The following RASSF3 variants were observed in gnomAD, a reference collection of about 807,000 sequenced individuals.
RASSF3 encodes the protein ras association domain-containing protein 3.
Under a neutral mutation model 19.9 loss-of-function variants are expected in RASSF3, and 19 were observed. That is an observed-to-expected ratio of 0.96 (90% confidence interval 0.67 to 1.40). The LOEUF is 1.40. Among genes scored for constraint, RASSF3 ranks in the 40% most tolerant of loss-of-function variants. The pLI, the probability that RASSF3 is intolerant of heterozygous loss-of-function variation, is 0.00. For synonymous variants in RASSF3, 110 were observed against 104.2 expected, an observed-to-expected ratio of 1.06 and a Z score of -0.34; for missense variants, 306 against 289.8, an observed-to-expected ratio of 1.06 and a Z score of -0.41.
Position 64,524,036 on chromosome 12 carries a change from G to A in RASSF3, c.169+16707G>A, listed in dbSNP as rs555366435. On this transcript the variant is annotated intron_variant, in intron 1 of 5. Coordinates refer to the RASSF3 transcript ENST00000637125. ...CCCACCCAGACTGCCATCACCACTT[G>A]CTAGCTGTACTTGCTCTTTTTTTTT... is the stretch of plus-strand genomic sequence containing the variant. Among the ~76,000 whole-genome samples the A allele has an allele frequency of 1.6e-4, 23 of 147,068 alleles. No homozygotes were observed. In the South Asian group the frequency reaches 4.8e-3, roughly 30 times the overall value.
At chr12:64,688,691 C>T (rs997745138) in intron 3 of RASSF3, among the ~76,000 whole-genome samples, 5 of 150,924 alleles carry the variant, frequency 3.3e-5, no homozygotes, top group East Asian at 1.9e-4. Flanking sequence ...TTGGCAGTTA[C>T]GAGTATTTTG....
At chr12:64,571,399 A>G (rs1869517214) in intron 2 of RASSF3, among the ~76,000 whole-genome samples, 1 of 152,078 alleles carries the variant, frequency 6.6e-6, no homozygotes, top group African/African-American at 2.4e-5. Flanking sequence ...TGGCCACAGG[A>G]AACGAGAACA....
intron 1 of RASSF3, among the ~76,000 whole-genome samples, chr12:64,519,658 G>C (rs1356133722): frequency 5.3e-5 from 8 of 151,870 alleles, no homozygotes; most frequent in Non-Finnish European, 1.0e-4. Context: ...ACATTCACTT[G>C]TCCCAACCTG....
chr12:64,607,697 T>G (rs928763669), upstream of RASSF3, among the ~76,000 whole-genome samples: 1 of 152,172 alleles, frequency 6.6e-6, no homozygotes, highest in Admixed American at 6.5e-5. Context: ...TATGTTTTTT[T>G]TGTTGCTTAA....
At chr12:64,528,592 C>G (rs1460964401), upstream of RASSF3, among the ~76,000 whole-genome samples, 1 of 152,192 alleles carries the variant, frequency 6.6e-6, no homozygotes, top group Non-Finnish European at 1.5e-5. Context: ...CTTTTGTTAG[C>G]CTGACATTAG....
intron 1 of RASSF3, among the ~76,000 whole-genome samples, chr12:64,635,142 T>G (rs536018558): frequency 7.9e-5 from 12 of 152,070 alleles, no homozygotes; most frequent in East Asian, 1.9e-4. Flanking sequence ...TTTGGAGAGA[T>G]AGGGTTTTGA....
intron 1 of RASSF3, chr12:64,541,451 C>T: frequency 2.5e-6 from 1 of 396,000 alleles, no homozygotes. Flanking sequence ...CCCACACAAA[C>T]TCATTTTTAT....
At chr12:64,637,056 T>C (rs1218466480) in intron 1 of RASSF3, among the ~76,000 whole-genome samples, 1 of 152,084 alleles carries the variant, frequency 6.6e-6, no homozygotes, top group Non-Finnish European at 1.5e-5. Flanking sequence ...CAATATAATA[T>C]GATGCAATTT....
chr12:64,528,329 T>C (rs893223239), upstream of RASSF3, among the ~76,000 whole-genome samples: 16 of 152,184 alleles, frequency 1.1e-4, no homozygotes, highest in African/African-American at 3.6e-4. Context: ...TTCAAAATGT[T>C]GATTTTAGGT....
At chr12:64,627,527 T>C (rs1871036579) in intron 1 of RASSF3, among the ~76,000 whole-genome samples, 1 of 152,208 alleles carries the variant, frequency 6.6e-6, no homozygotes, top group Non-Finnish European at 1.5e-5. Flanking sequence ...CACCATGATA[T>C]TTTCAGTGCT....
chr12:64,516,548 G>A (rs1030843762), intron 1 of RASSF3, among the ~76,000 whole-genome samples: 2 of 150,102 alleles, frequency 1.3e-5, no homozygotes, highest in Non-Finnish European at 3.0e-5. Context: ...GAACCCGGGA[G>A]GCGGAGCTTG....
chr12:64,681,407 G>A (rs1873121476), intron 1 of RASSF3, among the ~76,000 whole-genome samples: 1 of 152,208 alleles, frequency 6.6e-6, no homozygotes, highest in Admixed American at 6.5e-5. Context: ...TAGAGAATGA[G>A]GGAACAGGCT....
At chr12:64,680,590 A>G (rs1276552202) in intron 1 of RASSF3, among the ~76,000 whole-genome samples, 1 of 151,908 alleles carries the variant, frequency 6.6e-6, no homozygotes, top group Non-Finnish European at 1.5e-5. Flanking sequence ...TTTCTGGGAT[A>G]TACTTTCCAG....
intron 1 of RASSF3, among the ~76,000 whole-genome samples, chr12:64,636,068 G>T (rs1024495855): frequency 7.9e-5 from 12 of 151,768 alleles, no homozygotes; most frequent in Admixed American, 1.3e-4. Context: ...AATGAGAGTG[G>T]CTCACAATTC....
chr12:64,573,770 T>C (rs1869554998), intron 2 of RASSF3, among the ~76,000 whole-genome samples: 1 of 152,026 alleles, frequency 6.6e-6, no homozygotes, highest in Admixed American at 6.6e-5. Context: ...TAACCTAACC[T>C]CAGCAATGAC....
intron 1 of RASSF3, among the ~76,000 whole-genome samples, chr12:64,664,590 C>T (rs895975582): frequency 6.6e-6 from 1 of 152,196 alleles, no homozygotes; most frequent in Non-Finnish European, 1.5e-5. Context: ...AGCAATCTCT[C>T]AGTTATGAAA....
intron 2 of RASSF3, among the ~76,000 whole-genome samples, chr12:64,562,789 GT>G (rs1169890033): frequency 1.3e-5 from 2 of 151,734 alleles, no homozygotes; most frequent in Non-Finnish European, 2.9e-5. Flanking sequence ...CCTGGCTAAT[GT>G]TTTTTAAAAA....
At chr12:64,549,370 C>T (rs992350971) in intron 2 of RASSF3, among the ~76,000 whole-genome samples, 4 of 152,094 alleles carry the variant, frequency 2.6e-5, no homozygotes, top group South Asian at 4.2e-4. Context: ...TAATCAGAGG[C>T]CACAAAGTCA....
intron 1 of RASSF3, among the ~76,000 whole-genome samples, chr12:64,623,599 C>G (rs1870872128): frequency 6.6e-6 from 1 of 152,080 alleles, no homozygotes; most frequent in African/African-American, 2.4e-5. Flanking sequence ...TGCCAGTGTT[C>G]CTTTAGGTGG....
Sources: allele counts gnomAD v4.1 joint callset (sites outside exome capture counted in the v4.1 genomes callset), GRCh38; gene constraint gnomAD v4.1.1; transcripts MANE v1.5; gene names NCBI Gene and HGNC (gene_info 2026-07-23, HGNC 2026-07-21).